Variants in NSMCE2 observed in about 807,000 individuals in gnomAD.
The protein encoded by NSMCE2 is NSE2 SUMO ligase component of SMC5/6 complex.
In NSMCE2, 24 loss-of-function variants were observed where a neutral mutation model predicts 23.8. The ratio of observed to expected loss-of-function variants is 1.01; its 90% CI spans 0.73 to 1.42. The LOEUF (loss-of-function observed/expected upper bound fraction) is 1.42. NSMCE2 is among the 40% of genes most tolerant of loss of function. The pLI is 0.00. For missense variants in NSMCE2, 284 were observed against 296.5 expected (o/e 0.96, Z 0.31); for synonymous variants, 92 against 94.1 (o/e 0.98, Z 0.13).
intron 5 of NSMCE2, among the ~76,000 whole-genome samples, chr8:125,211,360 G>A (rs1342084988): frequency 2.6e-5 from 4 of 152,072 alleles, no homozygotes; most frequent in African/African-American, 9.7e-5. Flanking sequence ...TTTAATGGTA[G>A]CATATTGGAT....
At chr8:125,128,137 A>C (rs1015633485) in intron 3 of NSMCE2, among the ~76,000 whole-genome samples, 2 of 152,202 alleles carry the variant, frequency 1.3e-5, no homozygotes, top group African/African-American at 2.4e-5. Flanking sequence ...TAGTGGTAGT[A>C]GGCTCTTGTA....
rs1262784570 is a variant in NSMCE2 at position 125,344,891 on chromosome 8, A to G, written c.419-12328A>G. 3.3e-5 allele frequency among the ~76,000 whole-genome samples: 5 copies of G among 152,200 alleles called. 1 individual carries two copies. The South Asian group carries it at 8.3e-4, about 25-fold the overall frequency. On this transcript the variant is annotated intron_variant, in intron 5 of 7. Transcript: ENST00000287437. ...TTAAAACCAGGAAAATTCTAGAGAA[A>G]CTGAGATTTTGTGAGTCATAATTCT...
chr8:125,209,566 T>C (rs1159085350), intron 5 of NSMCE2, among the ~76,000 whole-genome samples: 1 of 152,232 alleles, frequency 6.6e-6, no homozygotes, highest in African/African-American at 2.4e-5. Context: ...GATGTAACTA[T>C]ATATAATTAG....
intron 5 of NSMCE2, among the ~76,000 whole-genome samples, chr8:125,310,066 G>A (rs1322954847): frequency 1.3e-5 from 2 of 152,172 alleles, no homozygotes; most frequent in Admixed American, 6.5e-5. Flanking sequence ...GCAAAATTAG[G>A]TGTGATTAAA....
chr8:125,179,845 G>A (rs1822711904), intron 4 of NSMCE2, among the ~76,000 whole-genome samples: 1 of 152,194 alleles, frequency 6.6e-6, no homozygotes. Flanking sequence ...TGGGAATTAA[G>A]TAGGTTGACT....
chr8:125,361,534 C>T (rs1813554181), intron 7 of NSMCE2, among the ~76,000 whole-genome samples: 1 of 152,198 alleles, frequency 6.6e-6, no homozygotes, highest in South Asian at 2.1e-4. Flanking sequence ...ACAAGCCATT[C>T]AACCTTTCTG....
At chr8:125,345,150 T>C (rs1830390112) in intron 5 of NSMCE2, among the ~76,000 whole-genome samples, 2 of 152,180 alleles carry the variant, frequency 1.3e-5, no homozygotes, top group African/African-American at 4.8e-5. Flanking sequence ...GGGGCGTAGA[T>C]GGTTTCTGGC....
chr8:125,321,881 C>G (rs963192272), intron 5 of NSMCE2, among the ~76,000 whole-genome samples: 1 of 152,138 alleles, frequency 6.6e-6, no homozygotes, highest in African/African-American at 2.4e-5. Context: ...TAAACTTTAG[C>G]CATCCTAATA....
intron 5 of NSMCE2, among the ~76,000 whole-genome samples, chr8:125,331,459 GA>G (rs2131299440): frequency 6.6e-6 from 1 of 152,308 alleles, no homozygotes; most frequent in African/African-American, 2.4e-5. Flanking sequence ...ATAATAAAAA[GA>G]TTGTAAAGCA....
intron 5 of NSMCE2, chr8:125,182,642 G>T: frequency 3.7e-6 from 1 of 271,872 alleles, no homozygotes; most frequent in Non-Finnish European, 6.8e-6. Context: ...TTCTGGTTTT[G>T]CCTCTTTGGA....
intron 5 of NSMCE2, among the ~76,000 whole-genome samples, chr8:125,328,932 A>G (rs913344283): frequency 6.6e-6 from 1 of 152,174 alleles, no homozygotes; most frequent in Non-Finnish European, 1.5e-5. Context: ...CCTGGCCCCC[A>G]GTTCAGCACC....
chr8:125,344,999 T>A (rs1563797147), intron 5 of NSMCE2, among the ~76,000 whole-genome samples: 1 of 151,748 alleles, frequency 6.6e-6, no homozygotes, highest in Non-Finnish European at 1.5e-5. Context: ...TAATTGAATG[T>A]CTGTCCCACC....
intron 3 of NSMCE2, among the ~76,000 whole-genome samples, chr8:125,127,695 G>A (rs908108749): frequency 3.9e-5 from 6 of 152,028 alleles, no homozygotes; most frequent in African/African-American, 1.4e-4. Context: ...GCTTATGAGG[G>A]GTTTGGAGTC....
chr8:125,108,463 C>T (rs778267608), intron 3 of NSMCE2, among the ~76,000 whole-genome samples: 14 of 152,170 alleles, frequency 9.2e-5, no homozygotes, highest in Admixed American at 8.5e-4. Flanking sequence ...GCTATTGGGT[C>T]CAGTCCTAAC....
At chr8:125,223,806 C>CTTTTTTTTT (rs777644019) in intron 5 of NSMCE2, among the ~76,000 whole-genome samples, 3 of 107,958 alleles carry the variant, frequency 2.8e-5, no homozygotes, top group Non-Finnish European at 5.6e-5. Context: ...GGTCCTTTGC[C>CTTTTTTTTT]TTTTTTTTTT....
At chr8:125,112,976 A>G (rs1236664995) in intron 3 of NSMCE2, among the ~76,000 whole-genome samples, 1 of 149,500 alleles carries the variant, frequency 6.7e-6, no homozygotes, top group Non-Finnish European at 1.5e-5. Context: ...TACATATTTC[A>G]AAACAAAATG....
intron 7 of NSMCE2, among the ~76,000 whole-genome samples, chr8:125,363,615 GGGAAGGAAAGAA>G (rs1311124862): frequency 5.3e-5 from 7 of 132,518 alleles, no homozygotes; most frequent in African/African-American, 1.7e-4. Context: ...AGGAGGGGGA[GGGAAGGAAAGAA>G]GGAAGGAAGA....
chr8:125,293,471 T>C (rs972683473), intron 5 of NSMCE2, among the ~76,000 whole-genome samples: 1 of 134,328 alleles, frequency 7.4e-6, no homozygotes, highest in Non-Finnish European at 1.6e-5. Context: ...ATTTACTGAC[T>C]CCAGTGGGTT....
At chr8:125,142,348 G>A (rs1056016013) in intron 3 of NSMCE2, among the ~76,000 whole-genome samples, 3 of 152,086 alleles carry the variant, frequency 2.0e-5, no homozygotes, top group African/African-American at 7.2e-5. Context: ...ATTTCATAAA[G>A]CCTAGATTTG....
Sources: allele counts gnomAD v4.1 joint callset (sites outside exome capture counted in the v4.1 genomes callset), GRCh38; gene constraint gnomAD v4.1.1; transcripts MANE v1.5; gene names NCBI Gene and HGNC (gene_info 2026-07-23, HGNC 2026-07-21).